The following HGSNAT variants were observed in gnomAD, a reference collection of about 807,000 sequenced individuals.
The protein encoded by HGSNAT is transmembrane protein 76.
In HGSNAT, 59 loss-of-function variants were observed where a neutral mutation model predicts 85.2. That is an observed-to-expected ratio of 0.69 (90% CI 0.56 to 0.86). HGSNAT has a LOEUF of 0.86. HGSNAT is among the 40% of genes least tolerant of loss of function. HGSNAT has a pLI of 0.00. For missense variants in HGSNAT, 756 were observed against 777.1 expected, an observed-to-expected ratio of 0.97 and a Z score of 0.32; for synonymous variants, 321 against 304.5, an observed-to-expected ratio of 1.05 and a Z score of -0.56.
At chr8:43,196,530 A>G in intron 14 of HGSNAT, 2 of 1,290,474 alleles carry the variant, frequency 1.5e-6, no homozygotes, top group Non-Finnish European at 2.0e-6. Context: ...AGAGCCACGG[A>G]GCCTGCCCAG....
Position 43,193,086 on chromosome 8 carries a change from C to T in HGSNAT, c.1377+656C>T, listed in dbSNP as rs939786538. ...GGGCCCTTCCTACCCCTGGATGGTG[C>T]GGAAGGCCCCCTGCAGAAGGCTGAT... On this transcript the variant is annotated intron_variant, in intron 13 of 17. Coordinates refer to ENST00000379644, the MANE Select transcript of HGSNAT (RefSeq NM_152419.3). Among the ~76,000 whole-genome samples the T allele has an allele frequency of 7.9e-5, 12 of 152,268 alleles. No individual in the cohort carries two copies. The South Asian group carries it at 2.1e-3, about 26-fold the overall frequency.
rs374366077 is a variant in HGSNAT at position 43,164,008 on chromosome 8, A to C, written c.563+2501A>C. 2.6e-5 allele frequency among the ~76,000 whole-genome samples: 4 copies of C among 152,372 alleles called. No homozygotes were observed. In the South Asian group the frequency reaches 6.2e-4, roughly 24 times the overall value. On this transcript the variant is annotated intron_variant, in intron 5 of 17. Coordinates refer to ENST00000379644, the MANE Select transcript of HGSNAT (RefSeq NM_152419.3). ...TAAAAACATGTTATGAAACAGGGAAACTGCACTGGCTATGTGACGGTATTA... is the reference window on the plus strand; with the variant it reads ...TAAAAACATGTTATGAAACAGGGAACCTGCACTGGCTATGTGACGGTATTA...
At chr8:43,173,850 A>AG in intron 9 of HGSNAT, 107 bp downstream of exon 9, 2 of 1,210,714 alleles carry the variant, frequency 1.7e-6, no homozygotes, top group Non-Finnish European at 2.3e-6. Flanking sequence ...TTATGTGGTT[A>AG]GGAAGTCCTT....
intron 1 of HGSNAT, among the ~76,000 whole-genome samples, chr8:43,143,137 A>G (rs1244739614): frequency 6.6e-6 from 1 of 152,268 alleles, no homozygotes; most frequent in African/African-American, 2.4e-5. Context: ...TCTTTAATGT[A>G]GAGAAGTTAT....
At chr8:43,149,292 G>T (rs1429860696) in intron 2 of HGSNAT, among the ~76,000 whole-genome samples, 1 of 151,814 alleles carries the variant, frequency 6.6e-6, no homozygotes, top group African/African-American at 2.4e-5. Flanking sequence ...TCCCATTATT[G>T]CAAAAAAGAT....
At chr8:43,145,140 G>C (rs556782390) in intron 1 of HGSNAT, among the ~76,000 whole-genome samples, 95 of 152,262 alleles carry the variant, frequency 6.2e-4, no homozygotes, top group African/African-American at 2.2e-3. Context: ...TTGGCACCCA[G>C]AAATAAACGT....
At chr8:43,155,639 C>T (rs1803067478) in intron 2 of HGSNAT, among the ~76,000 whole-genome samples, 1 of 152,112 alleles carries the variant, frequency 6.6e-6, no homozygotes, top group African/African-American at 2.4e-5. Flanking sequence ...GTTACCTATG[C>T]ACCAGTGTCA....
At position 43,199,439 on chromosome 8, in the gene HGSNAT, T is replaced by TC; in HGVS notation, c.1782dup (p.Phe595LeufsTer34). On this transcript the variant is annotated frameshift_variant, in exon 18 of 18. Coordinates refer to ENST00000379644, the MANE Select transcript of HGSNAT (RefSeq NM_152419.3). LOFTEE classifies it high-confidence loss of function. ...GGCCACGAGGTGTTTGAGAACTACT[T>TC]CCCCTTTCAGTGGAAGCTGAAGGAC... 1 of 1,610,794 alleles carries TC rather than the reference T, an allele frequency of 6.2e-7. No individual in the cohort carries two copies. Among genetic ancestry groups the TC allele is most frequent in the Non-Finnish European group, 8.5e-7 (1 of 1,178,488 alleles).
At chr8:43,153,136 C>T (rs895540607) in intron 2 of HGSNAT, among the ~76,000 whole-genome samples, 1 of 151,414 alleles carries the variant, frequency 6.6e-6, no homozygotes. Context: ...AGGCCATAAT[C>T]GTTTATGTAG....
intron 16 of HGSNAT, 22 bp downstream of exon 16, chr8:43,197,764 T>C (rs1415873784): frequency 6.2e-7 from 1 of 1,604,076 alleles, no homozygotes; most frequent in East Asian, 2.2e-5. Flanking sequence ...AAAAGCATGA[T>C]TTTATGGATG....
intron 2 of HGSNAT, among the ~76,000 whole-genome samples, chr8:43,149,712 A>T (rs867355332): frequency 6.1e-4 from 92 of 151,286 alleles, no homozygotes; most frequent in African/African-American, 2.1e-3. Context: ...AAAAAAAAAA[A>T]ATTTTTTTTT....
In HGSNAT at chr8:43,202,738, G is replaced by C. The variant is rs1804955914; in HGVS notation, c.*3169G>C. 6.6e-6 allele frequency: 1 copy of C among 152,196 alleles called. No individual in the cohort carries two copies. Among genetic ancestry groups the C allele is most frequent in the Non-Finnish European group, 1.5e-5 (1 of 68,040 alleles). 9.4% of individuals were successfully genotyped at this position (152,196 alleles called of 1,614,324 possible). A position where few individuals can be genotyped will look rare whatever the true frequency, so the allele number is the denominator to read the frequency against. On this transcript the variant is annotated 3_prime_UTR_variant, in exon 18 of 18. Coordinates refer to ENST00000379644, the MANE Select transcript of HGSNAT (RefSeq NM_152419.3). The stretch of plus-strand genomic sequence containing the variant: ...GCATAATAACCCAGTTTGTATCAAA[G>C]GGTATCGACTTAAGTGAAATTTCAA...
rs763179425 is a variant in HGSNAT at position 43,172,322 on chromosome 8, A to T, written c.756A>T (p.Ile252=). ...TGGCTTCTTCTAGGATTGCTCTTAT[A>T]CTCATGGTCTTTGTCAATTATGGAG... The part of the protein sequence containing the change: ...SVDTFRGIAL[I]LMVFVNYGGG... Residue 252 remains isoleucine, a synonymous_variant, in exon 8 of 18, where the codon ATA becomes ATT. Coordinates refer to ENST00000379644, the MANE Select transcript of HGSNAT (RefSeq NM_152419.3). 6.2e-7 allele frequency: 1 copy of T among 1,611,254 alleles called. No homozygotes were observed. The highest frequency in any genetic ancestry group is 8.5e-7 in the Non-Finnish European group (1 of 1,177,366).
At chr8:43,183,586 T>A (rs193070451) in intron 11 of HGSNAT, among the ~76,000 whole-genome samples, 1 of 152,180 alleles carries the variant, frequency 6.6e-6, no homozygotes, top group East Asian at 1.9e-4. Context: ...TTCTCCTGTC[T>A]CAGCCTCCTG....
At chr8:43,170,078 C>T (rs948156179) in intron 6 of HGSNAT, among the ~76,000 whole-genome samples, 1 of 152,174 alleles carries the variant, frequency 6.6e-6, no homozygotes, top group African/African-American at 2.4e-5. Flanking sequence ...ACCTTGGCCT[C>T]CCAAAGTGCT....
intron 2 of HGSNAT, among the ~76,000 whole-genome samples, chr8:43,151,939 A>G (rs1167075480): frequency 6.6e-6 from 1 of 152,172 alleles, no homozygotes; most frequent in African/African-American, 2.4e-5. Flanking sequence ...TTAGGTGGCA[A>G]AGCTACAATT....
At chr8:43,177,869 T>C (rs1477111487) in intron 9 of HGSNAT, among the ~76,000 whole-genome samples, 1 of 152,232 alleles carries the variant, frequency 6.6e-6, no homozygotes, top group African/African-American at 2.4e-5. Flanking sequence ...AAGACAGGAC[T>C]TGAAGGTGCA....
chr8:43,201,543 T>G lies in HGSNAT; in HGVS notation c.*1974T>G, dbSNP rs1205321227. ...CCTATCTACATTTGATCTGTCATGT[T>G]TAAACCCCCTACTTCTAAGGGAACT... On this transcript the variant is annotated 3_prime_UTR_variant, in exon 18 of 18. Transcript: ENST00000379644. The surrounding 1 kb of genome is among the most constrained non-coding windows in gnomAD (Gnocchi z 4.4). 6.6e-6 allele frequency: 1 copy of G among 152,268 alleles called. No individual in the cohort carries two copies. The highest frequency in any genetic ancestry group is 6.5e-5 in the Admixed American group (1 of 15,286). 9.4% of individuals were successfully genotyped at this position (152,268 alleles called of 1,614,324 possible). A position where few individuals can be genotyped will look rare whatever the true frequency, so the allele number is the denominator to read the frequency against.
At chr8:43,194,237 G>A (rs1451685594) in intron 14 of HGSNAT, 2 of 538,708 alleles carry the variant, frequency 3.7e-6, no homozygotes, top group Non-Finnish European at 2.4e-6. Context: ...GTCTCTACAA[G>A]AAATTAAAAA....
Sources: allele counts gnomAD v4.1 joint callset (sites outside exome capture counted in the v4.1 genomes callset), GRCh38; gene constraint gnomAD v4.1.1; non-coding constraint Gnocchi (gnomAD v3.1); transcripts MANE v1.5; gene names NCBI Gene and HGNC (gene_info 2026-07-23, HGNC 2026-07-21).